The following DPY19L2 variants were observed in gnomAD, a reference collection of about 807,000 sequenced individuals.
The protein encoded by DPY19L2 is probable C-mannosyltransferase DPY19L2.
In DPY19L2, 34 loss-of-function variants were observed where a neutral mutation model predicts 97.9. That is an observed-to-expected ratio of 0.35 (90% CI 0.26 to 0.46). The LOEUF is 0.46. DPY19L2 is among the 20% of genes least tolerant of loss of function. The pLI is 1.00. For missense variants in DPY19L2, 623 were observed against 911.4 expected, an observed-to-expected ratio of 0.68 and a Z score of 4.07; for synonymous variants, 230 against 307.9, an observed-to-expected ratio of 0.75 and a Z score of 2.65.
rs549141371 is a variant in DPY19L2, at chr12:63,578,343, G to A, written c.1900+2319C>T. On this transcript the variant is annotated intron_variant, in intron 19 of 21. Transcript: ENST00000324472. ...AGTGAGGGGGTGGAGGGGAAGTGAG[G>A]ATGGTTAATGTGCACAAACAAAATA... 7.9e-5 allele frequency among the ~76,000 whole-genome samples: 12 copies of A among 152,228 alleles called. No homozygotes were observed. The South Asian group carries it at 2.5e-3, about 32-fold the overall frequency.
chr12:63,593,879 A>G (rs1239053127), intron 16 of DPY19L2, among the ~76,000 whole-genome samples: 1 of 152,176 alleles, frequency 6.6e-6, no homozygotes, highest in Non-Finnish European at 1.5e-5. Flanking sequence ...GTTGGTTCAC[A>G]AATATATATA....
intron 1 of DPY19L2, chr12:63,666,532 GT>G (rs1442769467): frequency 4.5e-6 from 2 of 446,356 alleles, no homozygotes; most frequent in Non-Finnish European, 9.0e-6. Flanking sequence ...GCCTGTGCCC[GT>G]TTGGTTGGGG....
chr12:63,627,012 C>T (rs1889670516), intron 6 of DPY19L2, among the ~76,000 whole-genome samples: 2 of 152,226 alleles, frequency 1.3e-5, no homozygotes, highest in East Asian at 3.9e-4. Context: ...CTCCTGACCT[C>T]GTGATCCACC....
intron 6 of DPY19L2, among the ~76,000 whole-genome samples, chr12:63,627,511 T>G (rs1476062221): frequency 6.6e-6 from 1 of 151,940 alleles, no homozygotes; most frequent in Non-Finnish European, 1.5e-5. Flanking sequence ...CCACCACACC[T>G]GGCGATTTTT....
Position 63,571,049 on chromosome 12 carries a change from A to G in DPY19L2, c.1901-192T>C, listed in dbSNP as rs1320385320. ...TAATAGCTGACTTTTGTTAAATACT[A>G]TCTTGGGGCTAGAAATTGTGCTCCA... On this transcript the variant is annotated intron_variant, in intron 19 of 21. Transcript: ENST00000324472. Among the ~76,000 whole-genome samples the G allele has an allele frequency of 2.0e-5, 3 of 152,070 alleles. No individual in the cohort carries two copies. In the East Asian group the frequency reaches 5.8e-4, roughly 29 times the overall value.
chr12:63,653,893 G>A (rs575179396), intron 4 of DPY19L2, among the ~76,000 whole-genome samples: 5 of 152,042 alleles, frequency 3.3e-5, no homozygotes, highest in Admixed American at 6.5e-5. Flanking sequence ...AACACTTGCC[G>A]AATGCTGAAA....
chr12:63,634,615 C>T lies in DPY19L2; in HGVS notation c.804-8089G>A, dbSNP rs151043242. 6.2e-3 allele frequency among the ~76,000 whole-genome samples: 946 copies of T among 152,232 alleles called. 9 individuals carry two copies. The highest frequency in any genetic ancestry group is 0.02 in the African/African-American group (843 of 41,540). On this transcript the variant is annotated intron_variant, in intron 6 of 21. Coordinates refer to ENST00000324472, the MANE Select transcript of DPY19L2 (RefSeq NM_173812.5). Reference sequence around the variant, plus strand: ...GCACTTTTCCAACGGTCTTAGCAAACGGCACACCAGGAGATTACATCCCGC... The same window carrying T: ...GCACTTTTCCAACGGTCTTAGCAAATGGCACACCAGGAGATTACATCCCGC...
At chr12:63,652,574 C>A (rs1439037461) in intron 4 of DPY19L2, among the ~76,000 whole-genome samples, 1 of 152,096 alleles carries the variant, frequency 6.6e-6, no homozygotes, top group Non-Finnish European at 1.5e-5. Flanking sequence ...TACATATACC[C>A]CATGAATATT....
At chr12:63,585,508 C>T (rs1662751377) in intron 16 of DPY19L2, among the ~76,000 whole-genome samples, 1 of 152,016 alleles carries the variant, frequency 6.6e-6, no homozygotes. Flanking sequence ...TTCTGTCTCC[C>T]TCATAGCTCC....
rs1451732666 is a variant in DPY19L2, at chr12:63,638,561, C to G, written c.803+5842G>C. Among the ~76,000 whole-genome samples the G allele has an allele frequency of 5.3e-5, 8 of 151,958 alleles. No homozygotes were observed. The East Asian group carries it at 1.5e-3, about 29-fold the overall frequency. On this transcript the variant is annotated intron_variant, in intron 6 of 21. Transcript: ENST00000324472. ...AAATCACAACCATTCCTATACACCACTAATAGACAAACAGAGAGCCAAATC... is the reference window on the plus strand; with the variant it reads ...AAATCACAACCATTCCTATACACCAGTAATAGACAAACAGAGAGCCAAATC...
intron 11 of DPY19L2, among the ~76,000 whole-genome samples, 183 bp from the exon 12 acceptor site, chr12:63,608,858 A>C (rs900810069): frequency 6.6e-6 from 1 of 152,092 alleles, no homozygotes; most frequent in Admixed American, 6.5e-5. Context: ...CCTTGAGGTG[A>C]GAGTTAAATG....
rs752414535 is a variant in DPY19L2, at chr12:63,668,314, A to T, written c.80T>A (p.Leu27His). Reference sequence around the variant, plus strand: ...CTCCTCTACCTCCGGCTCCCGGGCGAGGGAGGCCCCGCGCCGCCCCTTAGA... The same window carrying T: ...CTCCTCTACCTCCGGCTCCCGGGCGTGGGAGGCCCCGCGCCGCCCCTTAGA... ...SQSKGRRGAS[L>H]AREPEVEEEM... The change falls in exon 1 of 22, where the codon CTC becomes CAC. Residue 27 changes from leucine to histidine, a missense_variant. Transcript: ENST00000324472. The T allele has an allele frequency of 1.2e-6, 2 of 1,613,672 alleles. No individual in the cohort carries two copies. Among genetic ancestry groups the T allele is most frequent in the Non-Finnish European group, 1.7e-6 (2 of 1,179,912 alleles).
intron 21 of DPY19L2, among the ~76,000 whole-genome samples, chr12:63,565,849 T>C (rs1365102048): frequency 6.6e-6 from 1 of 152,212 alleles, no homozygotes; most frequent in Non-Finnish European, 1.5e-5. Context: ...TTTTGCTTCA[T>C]ATATTTTGAA....
chr12:63,617,489 C>T, intron 10 of DPY19L2, 99 bp from the exon 11 acceptor site: 2 of 703,208 alleles, frequency 2.8e-6, no homozygotes, highest in Admixed American at 3.3e-5. Context: ...AATTTATTTG[C>T]ATAAAGATGA....
rs199643909 is a variant in DPY19L2 at position 63,668,302 on chromosome 12, G to C, written c.92C>G (p.Pro31Arg). 10 of 1,613,746 alleles carry C rather than the reference G, an allele frequency of 6.2e-6. No homozygotes were observed. In the African/African-American group the frequency reaches 8.0e-5, roughly 13 times the overall value. ...GRRGASLARE[P>R]EVEEEMEKSA... ...CTTTTCCATCTCCTCCTCTACCTCC[G>C]GCTCCCGGGCGAGGGAGGCCCCGCG... Residue 31 changes from proline (P) to arginine (R), a missense_variant, in exon 1 of 22, where the codon CCG becomes CGG. Pro to Arg is a moderately radical substitution (Grantham distance 103). Transcript: ENST00000324472.
At chr12:63,665,952 T>C in intron 1 of DPY19L2, 93 bp from the exon 2 acceptor site, 2 of 1,118,604 alleles carry the variant, frequency 1.8e-6, no homozygotes, top group South Asian at 1.5e-5. Flanking sequence ...TTTACATGTC[T>C]AGAAAGATAG....
intron 5 of DPY19L2, 151 bp from the exon 6 acceptor site, chr12:63,644,647 TA>T: frequency 7.9e-7 from 1 of 1,262,238 alleles, no homozygotes; most frequent in Non-Finnish European, 1.1e-6. Flanking sequence ...TATTTACCCT[TA>T]TAAGAGTTTG....
chr12:63,591,036 C>T, intron 16 of DPY19L2: 2 of 455,460 alleles, frequency 4.4e-6, no homozygotes, highest in Non-Finnish European at 8.8e-6. Context: ...TATCCCAAGT[C>T]CCTTCATGTA....
chr12:63,629,640 C>A (rs191832907), intron 6 of DPY19L2, among the ~76,000 whole-genome samples: 1 of 152,130 alleles, frequency 6.6e-6, no homozygotes, highest in Non-Finnish European at 1.5e-5. Flanking sequence ...GGAAAACACT[C>A]TGCAGGATAT....
Sources: allele counts gnomAD v4.1 joint callset (sites outside exome capture counted in the v4.1 genomes callset), GRCh38; gene constraint gnomAD v4.1.1; transcripts MANE v1.5; gene names NCBI Gene and HGNC (gene_info 2026-07-23, HGNC 2026-07-21).